Variants in RFX4 observed in about 807,000 individuals in gnomAD.
The protein encoded by RFX4 is regulatory factor X4.
RFX4 carries 10 observed loss-of-function variants against 95.0 expected under a neutral mutation model. The observed-to-expected ratio is 0.11, with a 90% confidence interval of 0.06 to 0.18. RFX4 has a LOEUF of 0.18. Ranked by LOEUF, RFX4 falls within the 10% of genes least tolerant of loss-of-function variation. The pLI is 1.00. For missense variants in RFX4, 640 were observed against 922.0 expected, an observed-to-expected ratio of 0.69 and a Z score of 3.96; for synonymous variants, 321 against 340.7, an observed-to-expected ratio of 0.94 and a Z score of 0.64.
At chr12:106,713,904 C>T (rs1215621572) in intron 10 of RFX4, among the ~76,000 whole-genome samples, 1 of 151,666 alleles carries the variant, frequency 6.6e-6, no homozygotes, top group Non-Finnish European at 1.5e-5. Flanking sequence ...CCTGTCTCTA[C>T]TAAAAATACA....
intron 4 of RFX4, among the ~76,000 whole-genome samples, chr12:106,675,879 G>A (rs534929168): frequency 3.6e-4 from 55 of 152,302 alleles, no homozygotes; most frequent in African/African-American, 1.2e-3. Context: ...ACAGGAATTG[G>A]GAGAGGACGG....
At chr12:106,686,774 T>C (rs1334257293) in intron 5 of RFX4, 110 bp from the exon 6 acceptor site, 6 of 991,264 alleles carry the variant, frequency 6.1e-6, no homozygotes, top group Non-Finnish European at 9.1e-6. Flanking sequence ...CCAGCTTTCC[T>C]TGGCCTTGGG....
chr12:106,747,263 C>T (rs985070116), intron 15 of RFX4, among the ~76,000 whole-genome samples, 174 bp from the exon 16 acceptor site: 2 of 152,030 alleles, frequency 1.3e-5, no homozygotes, highest in Admixed American at 6.6e-5. Context: ...CTGGACCAGA[C>T]AAAACAAAGA....
rs200068627 is a variant in RFX4 at position 106,696,250 on chromosome 12, C to G, written c.670-33C>G. ...CTTCTGTTGGGAGGGCCCTGGGTAA[C>G]CTCATGATTCTTCTCTCTGTGGGTC... On this transcript the variant is annotated intron_variant, in intron 7 of 17. Coordinates refer to ENST00000392842, the MANE Select transcript of RFX4 (RefSeq NM_213594.3). The G allele has an allele frequency of 1.9e-4, 301 of 1,612,728 alleles. No homozygotes were observed. The African/African-American group carries it at 3.5e-3, about 19-fold the overall frequency.
intron 1 of RFX4, among the ~76,000 whole-genome samples, chr12:106,592,535 G>A (rs1352955175): frequency 6.6e-6 from 1 of 152,114 alleles, no homozygotes. Flanking sequence ...CCTGATCGAG[G>A]CCCCTCCACA....
In RFX4 at chr12:106,639,333, T is replaced by C. The variant is rs1480613031; in HGVS notation, c.132T>C (p.Asn44=). The change falls in exon 3 of 18, where the codon AAT becomes AAC. Residue 44 remains asparagine, a splice_region_variant and synonymous_variant. Transcript: ENST00000392842. ...TSLGNVSNDE[N]EEKENNRASK... The stretch of plus-strand genomic sequence containing the variant: ...GCTTCTTTTTCTTTCCTTTAACAGA[T>C]GAGGAAAAAGAAAATAATAGAGCAT... 7 of 1,613,064 alleles carry C rather than the reference T, an allele frequency of 4.3e-6. No individual in the cohort carries two copies. The highest frequency in any genetic ancestry group is 5.9e-6 in the Non-Finnish European group (7 of 1,179,454).
chr12:106,599,769 G>C (rs185838627), intron 1 of RFX4, among the ~76,000 whole-genome samples: 2 of 151,498 alleles, frequency 1.3e-5, no homozygotes, highest in Non-Finnish European at 2.9e-5. Flanking sequence ...AGCCTCTAGC[G>C]GCCTCCTACA....
At chr12:106,655,614 C>T (rs1360966242) in intron 4 of RFX4, among the ~76,000 whole-genome samples, 2 of 152,122 alleles carry the variant, frequency 1.3e-5, no homozygotes, top group South Asian at 2.1e-4. Flanking sequence ...ACCTACAAAC[C>T]CCTCGCAGAG....
intron 9 of RFX4, among the ~76,000 whole-genome samples, chr12:106,709,772 A>C (rs1015441055): frequency 2.0e-5 from 3 of 152,112 alleles, no homozygotes; most frequent in Admixed American, 6.5e-5. Flanking sequence ...TGCGATGTAG[A>C]AAGTAGTATC....
intron 17 of RFX4, among the ~76,000 whole-genome samples, chr12:106,758,603 C>A (rs940312916): frequency 6.6e-6 from 1 of 152,170 alleles, no homozygotes; most frequent in African/African-American, 2.4e-5. Context: ...TCTGTCAGAA[C>A]CAGCAAGCTG....
chr12:106,727,648 C>G (rs1172851717), intron 13 of RFX4, among the ~76,000 whole-genome samples: 1 of 151,534 alleles, frequency 6.6e-6, no homozygotes, highest in East Asian at 1.9e-4. Flanking sequence ...GAGACAGAGT[C>G]TTGCCCTGTT....
At chr12:106,656,702 C>G (rs1330434071) in intron 4 of RFX4, among the ~76,000 whole-genome samples, 2 of 152,116 alleles carry the variant, frequency 1.3e-5, no homozygotes, top group Non-Finnish European at 2.9e-5. Flanking sequence ...TCATTCTCCT[C>G]TCCCCTTCCT....
intron 4 of RFX4, among the ~76,000 whole-genome samples, chr12:106,676,424 C>A (rs1019363363): frequency 6.6e-6 from 1 of 152,196 alleles, no homozygotes; most frequent in African/African-American, 2.4e-5. Flanking sequence ...ATCAAAAGAA[C>A]CTCTGCTAAG....
chr12:106,759,482 C>A (rs571553164), intron 17 of RFX4, among the ~76,000 whole-genome samples: 3 of 152,314 alleles, frequency 2.0e-5, no homozygotes, highest in African/African-American at 7.2e-5. Context: ...CTGTTTAATA[C>A]ACCTGGGATC....
intron 3 of RFX4, among the ~76,000 whole-genome samples, chr12:106,648,061 C>T (rs1164571721): frequency 1.3e-5 from 2 of 152,300 alleles, no homozygotes; most frequent in East Asian, 3.9e-4. Flanking sequence ...GTGGCTTTTC[C>T]TACAGACATA....
chr12:106,647,945 C>G (rs1268156061), intron 3 of RFX4, among the ~76,000 whole-genome samples: 3 of 152,118 alleles, frequency 2.0e-5, no homozygotes, highest in Non-Finnish European at 4.4e-5. Flanking sequence ...TCAGTGATCT[C>G]AAACTCTAAA....
intron 4 of RFX4, among the ~76,000 whole-genome samples, chr12:106,657,902 A>G (rs916636261): frequency 6.6e-6 from 1 of 152,186 alleles, no homozygotes; most frequent in South Asian, 2.1e-4. Context: ...TTTTCTCTCT[A>G]TATATAGATA....
chr12:106,761,488 A>G lies in RFX4; in HGVS notation c.*19A>G, dbSNP rs2043207499. The G allele has an allele frequency of 1.4e-6, 2 of 1,443,186 alleles. No homozygotes were observed. The highest frequency in any genetic ancestry group is 5.0e-5 in the East Asian group (2 of 40,158). The allele number at this position is 1,443,186 out of a possible 1,614,324, so 89.4% of individuals were successfully genotyped here. Reference sequence around the variant, plus strand: ...TAAATGACTGCTATCATAGGCATCCATATTTAATATTAATAATAATAATTA... The same window carrying G: ...TAAATGACTGCTATCATAGGCATCCGTATTTAATATTAATAATAATAATTA... On this transcript the variant is annotated 3_prime_UTR_variant, in exon 18 of 18. Transcript: ENST00000392842.
rs947205739 is a variant in RFX4 at position 106,586,436 on chromosome 12, GA to G, written c.43+3076del. Among the ~76,000 whole-genome samples the G allele has an allele frequency of 6.6e-6, 1 of 152,088 alleles. No homozygotes were observed. Among genetic ancestry groups the G allele is most frequent in the African/African-American group, 2.4e-5 (1 of 41,436 alleles). ...ATCCGGAAATTCGAGAACGATGGGG[GA>G]AAGTGGGTAGAATTTTAGGCCACCG... On this transcript the variant is annotated intron_variant, in intron 1 of 17. Coordinates refer to ENST00000392842, the MANE Select transcript of RFX4 (RefSeq NM_213594.3). The surrounding 1 kb of genome is among the most constrained non-coding windows in gnomAD (Gnocchi z 5.6).
Sources: allele counts gnomAD v4.1 joint callset (sites outside exome capture counted in the v4.1 genomes callset), GRCh38; gene constraint gnomAD v4.1.1; non-coding constraint Gnocchi (gnomAD v3.1); transcripts MANE v1.5; gene names NCBI Gene and HGNC (gene_info 2026-07-23, HGNC 2026-07-21).